SH3BGRL2: variants seen among roughly 807,000 people sequenced by gnomAD.
The protein encoded by SH3BGRL2 is SH3 domain-binding glutamic acid-rich-like protein 2.
A neutral mutation model predicts 14.8 loss-of-function variants in SH3BGRL2; 21 were observed. The observed-to-expected ratio is 1.42, with a 90% CI of 1.01 to 2.05. The LOEUF (loss-of-function observed/expected upper bound fraction) is 2.05, where lower values mean the gene tolerates loss of function less well. Ranked by LOEUF, SH3BGRL2 falls within the 30% of genes most tolerant of loss-of-function variation. The probability of loss-of-function intolerance (pLI) is 0.00; values close to 1 mark genes in which losing one functional copy is unlikely to be tolerated. For missense variants in SH3BGRL2, 147 were observed against 130.8 expected (o/e 1.12, Z -0.61); for synonymous variants, 50 against 47.8 (o/e 1.05, Z -0.19).
chr6:79,630,892 C>T (rs931098232), upstream of SH3BGRL2, among the ~76,000 whole-genome samples: 2 of 152,148 alleles, frequency 1.3e-5, no homozygotes, highest in Non-Finnish European at 2.9e-5. Context: ...GCTCGCCGAT[C>T]CCGCCTGCTT....
chr6:79,559,675 C>T, the SH3BGRL2 span, among the ~76,000 whole-genome samples: 1 of 152,136 alleles, frequency 6.6e-6, no homozygotes, highest in Non-Finnish European at 1.5e-5. Context: ...AAAGGCGTTA[C>T]ATCAATGACA....
At chr6:79,590,424 G>GATTGATATATATATAT in the SH3BGRL2 span, among the ~76,000 whole-genome samples, 41 of 66,680 alleles carry the variant, frequency 6.1e-4, no homozygotes, top group African/African-American at 2.7e-3. Context: ...AAGAAAATGT[G>GATTGATATATATATAT]ATATATATAT....
At chr6:79,667,086 A>G (rs1039123637) in intron 1 of SH3BGRL2, among the ~76,000 whole-genome samples, 4 of 152,254 alleles carry the variant, frequency 2.6e-5, no homozygotes, top group Non-Finnish European at 5.9e-5. Flanking sequence ...CTTTATGCAG[A>G]TTATATTTAA....
intron 2 of SH3BGRL2, among the ~76,000 whole-genome samples, chr6:79,691,482 T>G: frequency 6.8e-6 from 1 of 147,140 alleles, no homozygotes; most frequent in Non-Finnish European, 1.5e-5. Context: ...ATTAGGTATA[T>G]CTCCTAATGC....
rs189048020 is a variant in SH3BGRL2 at position 79,701,358 on chromosome 6, T to A, written c.*1849T>A. ...AAATTGTCATGTTGTAATTCATTAC[T>A]CAGCTAACATTTAGTCTACTCTTGC... On this transcript the variant is annotated 3_prime_UTR_variant, in exon 4 of 4. Coordinates refer to ENST00000369838, the MANE Select transcript of SH3BGRL2 (RefSeq NM_031469.4). The A allele has an allele frequency of 6.6e-5, 10 of 152,306 alleles. No homozygotes were observed. Among genetic ancestry groups the A allele is most frequent in the Middle Eastern group, 6.8e-3 (2 of 294 alleles). The allele number at this position is 152,306 out of a possible 1,614,324, so 9.4% of individuals were successfully genotyped here. A position where few individuals can be genotyped will look rare whatever the true frequency, so the allele number is the denominator to read the frequency against.
the SH3BGRL2 span, among the ~76,000 whole-genome samples, chr6:79,569,572 G>T: frequency 6.6e-6 from 1 of 152,230 alleles, no homozygotes; most frequent in Admixed American, 6.5e-5. Flanking sequence ...TAATGTTAAT[G>T]CTGGTCAATT....
intron 2 of SH3BGRL2, among the ~76,000 whole-genome samples, chr6:79,683,175 T>C (rs896009744): frequency 1.3e-5 from 2 of 152,172 alleles, no homozygotes; most frequent in African/African-American, 4.8e-5. Context: ...TGTGCACATG[T>C]ACCCTAGAAC....
intron 2 of SH3BGRL2, among the ~76,000 whole-genome samples, chr6:79,686,824 G>A (rs1235447032): frequency 6.6e-6 from 1 of 152,180 alleles, no homozygotes; most frequent in African/African-American, 2.4e-5. Flanking sequence ...GGCTAAATAA[G>A]ACTGTGTAGG....
chr6:79,645,613 A>C (rs77067921), intron 1 of SH3BGRL2, among the ~76,000 whole-genome samples: 1 of 152,284 alleles, frequency 6.6e-6, no homozygotes, highest in Non-Finnish European at 1.5e-5. Flanking sequence ...CTTGGCATCT[A>C]TGTCTATCAA....
chr6:79,685,108 C>A (rs891159759), intron 2 of SH3BGRL2, among the ~76,000 whole-genome samples: 2 of 152,150 alleles, frequency 1.3e-5, no homozygotes, highest in African/African-American at 4.8e-5. Flanking sequence ...CTATTTTCAC[C>A]TTCCTGAGTT....
At chr6:79,560,920 G>A in the SH3BGRL2 span, among the ~76,000 whole-genome samples, 1 of 89,592 alleles carries the variant, frequency 1.1e-5, no homozygotes, top group Admixed American at 1.9e-4. Context: ...TGCTCTTGTT[G>A]CCCAGGCTGG....
At chr6:79,537,836 A>G in the SH3BGRL2 span, among the ~76,000 whole-genome samples, 35 of 152,242 alleles carry the variant, frequency 2.3e-4, no homozygotes, top group Non-Finnish European at 3.7e-4. Flanking sequence ...ACAAACTGCT[A>G]GTGCTTCTGG....
the SH3BGRL2 span, among the ~76,000 whole-genome samples, chr6:79,604,704 G>A: frequency 6.6e-6 from 1 of 152,250 alleles, no homozygotes; most frequent in South Asian, 2.1e-4. Flanking sequence ...TGTGTTGGGG[G>A]CAGATAACTT....
the SH3BGRL2 span, among the ~76,000 whole-genome samples, chr6:79,590,424 G>GATAGAT: frequency 4.5e-5 from 3 of 66,666 alleles, no homozygotes; most frequent in African/African-American, 1.4e-4. Context: ...AAGAAAATGT[G>GATAGAT]ATATATATAT....
the SH3BGRL2 span, among the ~76,000 whole-genome samples, chr6:79,606,857 G>A: frequency 6.6e-6 from 1 of 151,618 alleles, no homozygotes; most frequent in African/African-American, 2.4e-5. Context: ...TTCAGCTTTA[G>A]ACATTCATTA....
intron 1 of SH3BGRL2, among the ~76,000 whole-genome samples, chr6:79,643,090 G>C (rs1045565390): frequency 6.6e-6 from 1 of 152,088 alleles, no homozygotes; most frequent in African/African-American, 2.4e-5. Context: ...CAGCAATGTG[G>C]TACAATATTT....
At chr6:79,560,867 CTTTTTTTTTTTTT>C in the SH3BGRL2 span, among the ~76,000 whole-genome samples, 9 of 45,784 alleles carry the variant, frequency 2.0e-4, no homozygotes, top group South Asian at 5.3e-3. Flanking sequence ...ACAATACACT[CTTTTTTTTTTTTT>C]TTTTTTTTTT....
the SH3BGRL2 span, among the ~76,000 whole-genome samples, chr6:79,606,778 C>T: frequency 6.6e-6 from 1 of 151,970 alleles, no homozygotes; most frequent in African/African-American, 2.4e-5. Flanking sequence ...TAATAATATA[C>T]ATTGTATGAG....
the SH3BGRL2 span, among the ~76,000 whole-genome samples, chr6:79,572,055 G>T: frequency 7.9e-5 from 12 of 152,088 alleles, no homozygotes; most frequent in Admixed American, 3.9e-4. Context: ...ATTCACATTG[G>T]TATGTTTTAA....
Sources: gnomAD v4.1 joint callset for allele counts (sites outside exome capture counted in the v4.1 genomes callset) on GRCh38, gnomAD v4.1.1 for gene constraint, MANE v1.5 for transcripts, NCBI Gene and HGNC (gene_info 2026-07-23, HGNC 2026-07-21) for gene names.